NEBL: variants seen among roughly 807,000 people sequenced by gnomAD.
NEBL encodes LIM and SH3 protein 2.
Under a neutral mutation model 140.2 loss-of-function variants are expected in NEBL, and 122 were observed. The observed-to-expected ratio is 0.87, with a 90% CI of 0.75 to 1.01. The LOEUF (loss-of-function observed/expected upper bound fraction) is 1.01, where lower values mean the gene tolerates loss of function less well. Ranked by LOEUF, NEBL falls within the 50% of genes least tolerant of loss-of-function variation. NEBL has a pLI of 0.00. For synonymous variants in NEBL, 436 were observed against 398.9 expected, an observed-to-expected ratio of 1.09 and a Z score of -1.11; for missense variants, 1,365 against 1,231.3, an observed-to-expected ratio of 1.11 and a Z score of -1.62.
At chr10:21,094,026 A>G (rs1213519092) in intron 2 of NEBL, among the ~76,000 whole-genome samples, 1 of 152,106 alleles carries the variant, frequency 6.6e-6, no homozygotes. Flanking sequence ...AAGCATCACT[A>G]CTCAACTTAA....
chr10:20,869,681 C>A (rs890210737), intron 6 of NEBL, 59 bp downstream of exon 6: 26 of 1,163,860 alleles, frequency 2.2e-5, no homozygotes, highest in Middle Eastern at 1.9e-4. Context: ...TGAAGCTATG[C>A]TTTGCCTCCT....
At chr10:20,909,597 T>C (rs1028078135) in intron 4 of NEBL, among the ~76,000 whole-genome samples, 1 of 152,166 alleles carries the variant, frequency 6.6e-6, no homozygotes, top group African/African-American at 2.4e-5. Context: ...ATCTAATACA[T>C]AAAAATTTAG....
At chr10:21,088,898 A>G (rs1836776983) in intron 2 of NEBL, among the ~76,000 whole-genome samples, 1 of 152,184 alleles carries the variant, frequency 6.6e-6, no homozygotes, top group Admixed American at 6.5e-5. Context: ...TTTCTGGAAG[A>G]ACTGCCCTCT....
chr10:21,073,617 CAAAA>C (rs10594967), intron 2 of NEBL, among the ~76,000 whole-genome samples: 8 of 76,412 alleles, frequency 1.0e-4, no homozygotes, highest in Admixed American at 1.5e-4. Context: ...ACTCTGTCGT[CAAAA>C]AAAAAAAAAA....
intron 2 of NEBL, among the ~76,000 whole-genome samples, chr10:20,891,411 A>G (rs1025337158): frequency 6.6e-6 from 1 of 152,240 alleles, no homozygotes; most frequent in African/African-American, 2.4e-5. Flanking sequence ...TTTTGATCAT[A>G]TGGAGAAAAA....
intron 4 of NEBL, among the ~76,000 whole-genome samples, chr10:20,945,119 T>A (rs1835089633): frequency 6.6e-6 from 1 of 152,242 alleles, no homozygotes; most frequent in Non-Finnish European, 1.5e-5. Context: ...AGTCTCATTC[T>A]TCATTCCTGT....
intron 14 of NEBL, among the ~76,000 whole-genome samples, chr10:20,834,138 C>T (rs1234354986): frequency 1.3e-5 from 2 of 151,950 alleles, no homozygotes; most frequent in East Asian, 3.9e-4. Flanking sequence ...ATGAGGTAGA[C>T]CTATATGAAG....
intron 2 of NEBL, among the ~76,000 whole-genome samples, chr10:21,161,392 G>A (rs1564531783): frequency 1.3e-5 from 2 of 151,954 alleles, no homozygotes; most frequent in South Asian, 2.1e-4. Flanking sequence ...AGGCTAAGCT[G>A]TATCATTCAG....
intron 3 of NEBL, among the ~76,000 whole-genome samples, chr10:20,997,471 TAAAAAAAAAAAAAAAAAAAA>T (rs55712388): frequency 4.4e-3 from 112 of 25,172 alleles, no homozygotes; most frequent in Admixed American, 8.1e-3. Flanking sequence ...ACAGTCTCAG[TAAAAAAAAAAAAAAAAAAAA>T]AAAAAAAAAA....
intron 4 of NEBL, among the ~76,000 whole-genome samples, chr10:20,915,570 A>G (rs1210838784): frequency 6.6e-6 from 1 of 151,468 alleles, no homozygotes; most frequent in East Asian, 1.9e-4. Context: ...CCATGTCCCT[A>G]CAAAGGACAT....
intron 9 of NEBL, among the ~76,000 whole-genome samples, chr10:20,857,017 C>T (rs1422817154): frequency 2.6e-5 from 4 of 151,952 alleles, no homozygotes; most frequent in African/African-American, 7.3e-5. Flanking sequence ...TTAGTAGAGA[C>T]GAGGTTTCAC....
At chr10:21,010,157 T>A (rs1472456254) in intron 3 of NEBL, among the ~76,000 whole-genome samples, 1 of 152,198 alleles carries the variant, frequency 6.6e-6, no homozygotes, top group Non-Finnish European at 1.5e-5. Flanking sequence ...GAAATGGGAT[T>A]GCTTTAGATC....
chr10:21,010,884 A>C (rs1564479194), intron 3 of NEBL, among the ~76,000 whole-genome samples: 1 of 152,232 alleles, frequency 6.6e-6, no homozygotes, highest in Non-Finnish European at 1.5e-5. Flanking sequence ...TTCCAATGTG[A>C]AACTGATTTG....
At chr10:21,068,678 C>G (rs748932641) in intron 2 of NEBL, among the ~76,000 whole-genome samples, 3 of 152,210 alleles carry the variant, frequency 2.0e-5, no homozygotes, top group Non-Finnish European at 4.4e-5. Flanking sequence ...CTCTTTTCTG[C>G]TCTAGGTAGT....
intron 2 of NEBL, among the ~76,000 whole-genome samples, chr10:21,025,562 C>A (rs1564484211): frequency 6.6e-6 from 1 of 152,166 alleles, no homozygotes; most frequent in Non-Finnish European, 1.5e-5. Context: ...CAGAGCTCGT[C>A]AAAATGCAGG....
At chr10:21,042,334 G>A (rs544778076) in intron 2 of NEBL, among the ~76,000 whole-genome samples, 1 of 152,206 alleles carries the variant, frequency 6.6e-6, no homozygotes, top group Non-Finnish European at 1.5e-5. Flanking sequence ...TTGTCTACCA[G>A]CAGTGGGCTA....
intron 19 of NEBL, among the ~76,000 whole-genome samples, chr10:20,822,266 G>C (rs1212432258): frequency 6.6e-6 from 1 of 152,010 alleles, no homozygotes; most frequent in Admixed American, 6.6e-5. Context: ...AACAAGAACA[G>C]AGAAGACATT....
chr10:21,049,330 C>T (rs1284454835), intron 2 of NEBL, among the ~76,000 whole-genome samples: 1 of 152,172 alleles, frequency 6.6e-6, no homozygotes, highest in African/African-American at 2.4e-5. Context: ...GCCCACCACA[C>T]CCAGGGTCTG....
chr10:20,868,832 GCC>G, intron 6 of NEBL, 67 bp from the exon 7 acceptor site: 1 of 876,690 alleles, frequency 1.1e-6, no homozygotes, highest in Admixed American at 2.8e-5. Context: ...ATTGACATTA[GCC>G]AAAAAAAAAA....
Sources: gnomAD v4.1 joint callset for allele counts (sites outside exome capture counted in the v4.1 genomes callset) on GRCh38, gnomAD v4.1.1 for gene constraint, MANE v1.5 for transcripts, NCBI Gene and HGNC (gene_info 2026-07-23, HGNC 2026-07-21) for gene names.